Variants in PCDHA3 observed in about 807,000 individuals in gnomAD.
The protein encoded by PCDHA3 is protocadherin alpha 3, also known as protocadherin alpha-3.
PCDHA3 carries 41 observed loss-of-function variants against 62.2 expected under a neutral mutation model. That is an observed-to-expected ratio of 0.66 (90% confidence interval 0.51 to 0.86). The LOEUF is 0.86. Among genes scored for constraint, PCDHA3 ranks in the 40% least tolerant of loss-of-function variants. The pLI is 0.00. For synonymous variants in PCDHA3, 640 were observed against 555.4 expected (o/e 1.15, Z -2.14); for missense variants, 1,304 against 1,241.2 (o/e 1.05, Z -0.76).
intron 1 of PCDHA3, chr5:140,884,024 G>A: frequency 6.2e-7 from 1 of 1,613,318 alleles, no homozygotes; most frequent in Non-Finnish European, 8.5e-7. Flanking sequence ...GCGGTCGGTG[G>A]GTGCAGGCCA....
intron 1 of PCDHA3, chr5:140,849,770 T>A (rs1407416435): frequency 6.3e-7 from 1 of 1,598,458 alleles, no homozygotes; most frequent in East Asian, 2.2e-5. Flanking sequence ...AGCTGGTGGT[T>A]ACCGCGCGGG....
chr5:140,971,970 A>C (rs2096510217), intron 1 of PCDHA3, among the ~76,000 whole-genome samples: 1 of 152,130 alleles, frequency 6.6e-6, no homozygotes, highest in Non-Finnish European at 1.5e-5. Flanking sequence ...TTTTTTCAAT[A>C]CTATGAGTAG....
chr5:140,810,561 A>G (rs1764683716), intron 1 of PCDHA3: 1 of 152,194 alleles, frequency 6.6e-6, no homozygotes, highest in Non-Finnish European at 1.5e-5. Context: ...ATTATTTTAT[A>G]TTTAAATGAA....
intron 1 of PCDHA3, chr5:140,857,774 G>T: frequency 6.3e-7 from 1 of 1,597,758 alleles, no homozygotes; most frequent in Non-Finnish European, 8.6e-7. Flanking sequence ...GGGCGGTGCA[G>T]TCAGTGAGCT....
At chr5:140,876,015 A>G (rs1479938988) in intron 1 of PCDHA3, 3 of 1,613,662 alleles carry the variant, frequency 1.9e-6, no homozygotes, top group Non-Finnish European at 2.5e-6. Flanking sequence ...TTGAGCTTAA[A>G]ATAAAAACAA....
At chr5:140,865,810 T>A (rs1350387651) in intron 1 of PCDHA3, 1 of 152,186 alleles carries the variant, frequency 6.6e-6, no homozygotes, top group Non-Finnish European at 1.5e-5. Flanking sequence ...CATTCTTTTA[T>A]CCACTATAAT....
At chr5:140,982,252 C>A in intron 2 of PCDHA3, 2 of 770,940 alleles carry the variant, frequency 2.6e-6, no homozygotes, top group South Asian at 2.6e-5. Flanking sequence ...AAAGATAGAA[C>A]ATGTGTGTTC....
At chr5:140,900,456 T>C (rs902615387) in intron 1 of PCDHA3, among the ~76,000 whole-genome samples, 3 of 152,210 alleles carry the variant, frequency 2.0e-5, no homozygotes, top group Non-Finnish European at 2.9e-5. Flanking sequence ...TTTTTATTTT[T>C]AGTAGACACG....
intron 1 of PCDHA3, among the ~76,000 whole-genome samples, chr5:140,886,239 TAAATA>T (rs2060905359): frequency 6.6e-6 from 1 of 152,062 alleles, no homozygotes; most frequent in African/African-American, 2.4e-5. Context: ...ACTTCAGAAA[TAAATA>T]AAAGTATCTC....
chr5:140,854,428 A>G (rs1402946580), intron 1 of PCDHA3: 1 of 151,142 alleles, frequency 6.6e-6, no homozygotes, highest in Non-Finnish European at 1.5e-5. Context: ...TAAAATCAGA[A>G]TTTGAATGAA....
rs553749529 is a variant in PCDHA3, at chr5:140,931,877, G to C, written c.2395-47072G>C. 3.3e-5 allele frequency among the ~76,000 whole-genome samples: 5 copies of C among 151,886 alleles called. No individual in the cohort carries two copies. The South Asian group carries it at 8.3e-4, about 25-fold the overall frequency. The stretch of plus-strand genomic sequence containing the variant: ...GGATTCTAGAAATAAAATATTTATT[G>C]CTTTCATTTTATTTCAAATCATTTG... On this transcript the variant is annotated intron_variant, in intron 1 of 3. Coordinates refer to ENST00000522353, the MANE Select transcript of PCDHA3 (RefSeq NM_018906.3).
chr5:140,913,558 G>T (rs1042223174), intron 1 of PCDHA3, among the ~76,000 whole-genome samples: 5 of 151,668 alleles, frequency 3.3e-5, no homozygotes, highest in Admixed American at 3.3e-4. Flanking sequence ...TTGATCTCTT[G>T]TATTTTCATC....
At chr5:141,009,285 T>C (rs1554262099) in intron 3 of PCDHA3, among the ~76,000 whole-genome samples, 1 of 152,106 alleles carries the variant, frequency 6.6e-6, no homozygotes, top group African/African-American at 2.4e-5. Context: ...TGAGATCCCA[T>C]TTCTATAAAA....
At chr5:140,881,191 T>C (rs564115136) in intron 1 of PCDHA3, 2 of 170,408 alleles carry the variant, frequency 1.2e-5, no homozygotes, top group African/African-American at 4.8e-5. Context: ...AAAGATATGT[T>C]AACATCTTTG....
rs1554148909 is a variant in PCDHA3, at chr5:140,856,599, A to G, written c.2394+53008A>G. 10 of 1,597,910 alleles carry G rather than the reference A, an allele frequency of 6.3e-6. 1 individual carries two copies. Among genetic ancestry groups the G allele is most frequent in the African/African-American group, 1.3e-5 (1 of 74,324 alleles). ...TATTTTGTTCTTGATATTATAAACAAAAAAGACAAAGACAAATTCCCAGTG... is the reference window on the plus strand; with the variant it reads ...TATTTTGTTCTTGATATTATAAACAGAAAAGACAAAGACAAATTCCCAGTG... On this transcript the variant is annotated intron_variant, in intron 1 of 3. Transcript: ENST00000522353.
chr5:140,831,383 A>G (rs1416445825), intron 1 of PCDHA3, among the ~76,000 whole-genome samples: 1 of 151,732 alleles, frequency 6.6e-6, no homozygotes, highest in South Asian at 2.1e-4. Flanking sequence ...TGTGTGTGAC[A>G]GGGTCTTGCT....
chr5:140,919,120 C>G (rs1554198933), intron 1 of PCDHA3, among the ~76,000 whole-genome samples: 2 of 152,008 alleles, frequency 1.3e-5, no homozygotes, highest in African/African-American at 4.8e-5. Context: ...CCAGTTTTTG[C>G]TTCATGTGTT....
chr5:140,966,068 T>G (rs188069959), intron 1 of PCDHA3: 1 of 153,298 alleles, frequency 6.5e-6, no homozygotes. Context: ...CGCCTCCCCC[T>G]GCGTTGTTTC....
At chr5:140,926,949 G>A in intron 1 of PCDHA3, 3 of 1,592,316 alleles carry the variant, frequency 1.9e-6, no homozygotes, top group Non-Finnish European at 2.6e-6. Context: ...GCGCTGCAGC[G>A]GGACAGCTCG....
Sources: allele counts gnomAD v4.1 joint callset (sites outside exome capture counted in the v4.1 genomes callset), GRCh38; gene constraint gnomAD v4.1.1; transcripts MANE v1.5; gene names NCBI Gene and HGNC (gene_info 2026-07-23, HGNC 2026-07-21).